DUSP10: variants seen among roughly 807,000 people sequenced by gnomAD.
DUSP10 encodes the protein dual specificity phosphatase 10.
In DUSP10, 14 loss-of-function variants were observed where a neutral mutation model predicts 30.8. The ratio of observed to expected loss-of-function variants is 0.46; its 90% CI spans 0.30 to 0.71. The LOEUF (loss-of-function observed/expected upper bound fraction) is 0.71, where lower values mean the gene tolerates loss of function less well. DUSP10 is among the 30% of genes least tolerant of loss of function. The pLI is 0.08. For missense variants in DUSP10, 550 were observed against 619.4 expected, an observed-to-expected ratio of 0.89 and a Z score of 1.19; for synonymous variants, 254 against 250.4, an observed-to-expected ratio of 1.01 and a Z score of -0.14.
At chr1:221,703,232 T>G (rs1396206038) in intron 3 of DUSP10, among the ~76,000 whole-genome samples, 1 of 152,124 alleles carries the variant, frequency 6.6e-6, no homozygotes, top group Non-Finnish European at 1.5e-5. Context: ...TATATATATA[T>G]ATGCAGTTCC....
At chr1:221,725,089 T>A (rs1661387981) in intron 2 of DUSP10, among the ~76,000 whole-genome samples, 1 of 152,084 alleles carries the variant, frequency 6.6e-6, no homozygotes, top group Non-Finnish European at 1.5e-5. Context: ...GAGCTTTGAC[T>A]CACTGAGTCA....
intron 2 of DUSP10, among the ~76,000 whole-genome samples, chr1:221,734,044 T>C (rs1661693258): frequency 6.6e-6 from 1 of 152,160 alleles, no homozygotes; most frequent in South Asian, 2.1e-4. Flanking sequence ...CCCTCCTTTT[T>C]CCTTCACATT....
At chr1:221,724,914 A>G (rs1571823442) in intron 2 of DUSP10, among the ~76,000 whole-genome samples, 1 of 152,120 alleles carries the variant, frequency 6.6e-6, no homozygotes, top group Admixed American at 6.6e-5. Context: ...TTATTTCAGC[A>G]CTCCAACATC....
chr1:221,720,187 A>G lies in DUSP10; in HGVS notation c.812-13721T>C, dbSNP rs150101075. ...CTCTGAAGTTATGAGTGTTTTCTGA[A>G]TGCCAATGAGATGACTAGTGGCTGG... On this transcript the variant is annotated intron_variant, in intron 2 of 3. Transcript: ENST00000366899. 8.3e-3 allele frequency among the ~76,000 whole-genome samples: 1,259 copies of G among 152,288 alleles called. 9 individuals are homozygous for G. The highest frequency in any genetic ancestry group is 0.029 in the African/African-American group (1,197 of 41,562).
chr1:221,707,975 T>C (rs1170326994), intron 2 of DUSP10, among the ~76,000 whole-genome samples: 1 of 152,210 alleles, frequency 6.6e-6, no homozygotes, highest in Non-Finnish European at 1.5e-5. Context: ...CAAAGGATTA[T>C]TACAAAGCTC....
intron 2 of DUSP10, among the ~76,000 whole-genome samples, chr1:221,736,255 C>G (rs899578580): frequency 6.6e-6 from 1 of 152,130 alleles, no homozygotes; most frequent in South Asian, 2.1e-4. Flanking sequence ...GGGTAGCAAC[C>G]AGTGTTTACA....
chr1:221,714,493 A>T (rs11118834), intron 2 of DUSP10, among the ~76,000 whole-genome samples: 40,585 of 151,946 alleles, frequency 0.27, 6,295 homozygotes, highest in African/African-American at 0.42. Context: ...AGGAGCAGAC[A>T]AGATGGCGCC....
intron 2 of DUSP10, among the ~76,000 whole-genome samples, chr1:221,718,311 A>C (rs950654493): frequency 3.9e-5 from 6 of 152,176 alleles, no homozygotes; most frequent in South Asian, 2.1e-4. Flanking sequence ...CATGACCTCC[A>C]TGTGGCATCC....
intron 2 of DUSP10, among the ~76,000 whole-genome samples, chr1:221,723,745 C>A (rs544145505): frequency 3.8e-4 from 58 of 152,358 alleles, no homozygotes; most frequent in South Asian, 3.5e-3. Flanking sequence ...AGCTTCTAGG[C>A]CCTCTCCTTG....
chr1:221,703,179 A>G (rs1660656146), intron 3 of DUSP10, among the ~76,000 whole-genome samples: 1 of 148,918 alleles, frequency 6.7e-6, no homozygotes, highest in Non-Finnish European at 1.5e-5. Flanking sequence ...TCACACATAT[A>G]TATGTATATG....
At position 221,706,408 on chromosome 1, in the gene DUSP10, G is replaced by C. The variant is rs769649196; in HGVS notation, c.870C>G (p.Leu290=). Residue 290 remains leucine (L), a synonymous_variant, in exon 3 of 4, where the codon CTC becomes CTG. Coordinates refer to ENST00000366899, the MANE Select transcript of DUSP10 (RefSeq NM_007207.6). The surrounding 1 kb of genome is among the most constrained non-coding windows in gnomAD (Gnocchi z 4.6). ...CGCCCCCCACCTCCCGGCACTCTTG[G>C]AGCTGGAGGGAGTTGTCACAGAGGT... is the stretch of plus-strand genomic sequence containing the variant. The part of the protein sequence containing the change: ...HENLCDNSLQ[L]QECREVGGGA... 7 of 1,553,910 alleles carry C rather than the reference G, an allele frequency of 4.5e-6. No individual in the cohort carries two copies. The highest frequency in any genetic ancestry group is 6.1e-6 in the Non-Finnish European group (7 of 1,149,922).
At chr1:221,704,952 C>T (rs2102611947) in intron 3 of DUSP10, among the ~76,000 whole-genome samples, 1 of 152,250 alleles carries the variant, frequency 6.6e-6, no homozygotes, top group Non-Finnish European at 1.5e-5. Flanking sequence ...GAACACCCCA[C>T]TCCACTTAAC....
At chr1:221,714,689 A>C (rs980647458) in intron 2 of DUSP10, among the ~76,000 whole-genome samples, 1 of 152,170 alleles carries the variant, frequency 6.6e-6, no homozygotes, top group African/African-American at 2.4e-5. Flanking sequence ...TCCTCTGGGA[A>C]GTCACCTCTC....
chr1:221,739,927 T>G (rs1038346736), intron 1 of DUSP10, 140 bp from the exon 2 acceptor site: 1 of 860,416 alleles, frequency 1.2e-6, no homozygotes, highest in African/African-American at 1.7e-5. Context: ...TTATCAAAAC[T>G]TGAAATTCAT....
At chr1:221,721,551 T>C (rs1661277991) in intron 2 of DUSP10, among the ~76,000 whole-genome samples, 1 of 152,150 alleles carries the variant, frequency 6.6e-6, no homozygotes, top group South Asian at 2.1e-4. Context: ...CTGAGTACAC[T>C]TATGAGGAAG....
chr1:221,726,503 C>T (rs1408615481), intron 2 of DUSP10, among the ~76,000 whole-genome samples: 2 of 152,062 alleles, frequency 1.3e-5, no homozygotes, highest in Non-Finnish European at 2.9e-5. Flanking sequence ...AAAACATGCA[C>T]ATATATGGGT....
At chr1:221,709,944 C>A (rs190960816) in intron 2 of DUSP10, among the ~76,000 whole-genome samples, 1 of 152,216 alleles carries the variant, frequency 6.6e-6, no homozygotes, top group East Asian at 1.9e-4. Context: ...ACAAACAAAG[C>A]AGGAGCAGTG....
At chr1:221,737,672 G>A (rs1661818614) in intron 2 of DUSP10, among the ~76,000 whole-genome samples, 1 of 152,222 alleles carries the variant, frequency 6.6e-6, no homozygotes, top group Non-Finnish European at 1.5e-5. Context: ...ATGAGGGCAA[G>A]TTTGAGGAGA....
In DUSP10 at chr1:221,706,741, G is replaced by A. The variant is rs986786666; in HGVS notation, c.812-275C>T. On this transcript the variant is annotated intron_variant, in intron 2 of 3. Coordinates refer to ENST00000366899, the MANE Select transcript of DUSP10 (RefSeq NM_007207.6). This position sits in a 1 kb window ranked among gnomAD's most constrained non-coding sequence, Gnocchi z 4.6. ...CTACAAATGAGGGCATGTTCCCCTA[G>A]CAAGAGTTCCACGCGGCATCAGGCA... Among the ~76,000 whole-genome samples, 5 of 152,302 alleles carry A rather than the reference G, an allele frequency of 3.3e-5. No individual in the cohort carries two copies. The highest frequency in any genetic ancestry group is 1.2e-4 in the African/African-American group (5 of 41,554).
Sources: gnomAD v4.1 joint callset for allele counts (sites outside exome capture counted in the v4.1 genomes callset) on GRCh38, gnomAD v4.1.1 for gene constraint, Gnocchi (gnomAD v3.1) non-coding constraint, MANE v1.5 for transcripts, NCBI Gene and HGNC (gene_info 2026-07-23, HGNC 2026-07-21) for gene names.